ADAMTS12: variants seen among roughly 807,000 people sequenced by gnomAD.
The protein encoded by ADAMTS12 is A disintegrin and metalloproteinase with thrombospondin motifs 12.
In ADAMTS12, 118 loss-of-function variants were observed where a neutral mutation model predicts 167.8. The observed-to-expected ratio is 0.70, with a 90% CI of 0.61 to 0.82. The LOEUF (loss-of-function observed/expected upper bound fraction) is 0.82, where lower values mean the gene tolerates loss of function less well. Ranked by LOEUF, ADAMTS12 falls within the 40% of genes least tolerant of loss-of-function variation. The pLI is 0.00. For missense variants in ADAMTS12, 1,916 were observed against 1,998.8 expected (o/e 0.96, Z 0.79); for synonymous variants, 704 against 716.9 (o/e 0.98, Z 0.29).
chr5:33,887,678 C>T (rs1222096633), intron 1 of ADAMTS12, among the ~76,000 whole-genome samples: 1 of 152,044 alleles, frequency 6.6e-6, no homozygotes, highest in South Asian at 2.1e-4. Flanking sequence ...CTTTTTCCCT[C>T]AGCTTAGAAA....
At chr5:33,544,410 C>T (rs1322001419) in intron 22 of ADAMTS12, among the ~76,000 whole-genome samples, 1 of 152,092 alleles carries the variant, frequency 6.6e-6, no homozygotes, top group Non-Finnish European at 1.5e-5. Context: ...TAGGAAGAAT[C>T]AATATTGTGA....
intron 5 of ADAMTS12, among the ~76,000 whole-genome samples, chr5:33,670,392 G>A (rs957874667): frequency 2.6e-5 from 4 of 152,180 alleles, no homozygotes; most frequent in Non-Finnish European, 4.4e-5. Flanking sequence ...CACTGCTGGT[G>A]AGAGTGGAAA....
chr5:33,859,339 T>A (rs1238832608), intron 2 of ADAMTS12, among the ~76,000 whole-genome samples: 1 of 152,118 alleles, frequency 6.6e-6, no homozygotes, highest in East Asian at 1.9e-4. Flanking sequence ...GCATCCACCA[T>A]CACTAAAGCT....
In ADAMTS12 at chr5:33,605,631, C is replaced by T. The variant is rs561885839; in HGVS notation, c.2527+8607G>A. On this transcript the variant is annotated intron_variant, in intron 16 of 23. Coordinates refer to ENST00000504830, the MANE Select transcript of ADAMTS12 (RefSeq NM_030955.4). ...GTTTGAAAGGAAAAAATACTTGAAA[C>T]ATATAAAAAGCATTTAAGATGTATA... Among the ~76,000 whole-genome samples, 13 of 152,230 alleles carry T rather than the reference C, an allele frequency of 8.5e-5. No homozygotes were observed. The East Asian group carries it at 2.3e-3, about 27-fold the overall frequency.
intron 16 of ADAMTS12, among the ~76,000 whole-genome samples, chr5:33,600,458 A>G (rs1344253485): frequency 6.6e-6 from 1 of 152,236 alleles, no homozygotes; most frequent in East Asian, 1.9e-4. Flanking sequence ...GGAGTTTGTT[A>G]TGGTTAATTA....
chr5:33,531,524 C>T (rs1744101243), intron 23 of ADAMTS12, among the ~76,000 whole-genome samples: 2 of 152,216 alleles, frequency 1.3e-5, no homozygotes, highest in South Asian at 4.1e-4. Context: ...ATTGACCCAA[C>T]ATCACACAGC....
chr5:33,546,805 CT>C (rs1400425281), intron 21 of ADAMTS12, among the ~76,000 whole-genome samples: 2 of 152,136 alleles, frequency 1.3e-5, no homozygotes, highest in Non-Finnish European at 2.9e-5. Context: ...ATTTGCATGA[CT>C]TTTTAAGGAG....
intron 19 of ADAMTS12, 42 bp downstream of exon 19, chr5:33,576,012 T>C: frequency 1.3e-6 from 2 of 1,559,256 alleles, no homozygotes; most frequent in Non-Finnish European, 1.7e-6. Flanking sequence ...ACTCCTAGCT[T>C]TTTTCCATGT....
chr5:33,656,964 A>G (rs369849675), intron 7 of ADAMTS12, among the ~76,000 whole-genome samples: 2 of 152,190 alleles, frequency 1.3e-5, no homozygotes, highest in East Asian at 3.8e-4. Context: ...AATATACCAC[A>G]TTTATAACCA....
intron 22 of ADAMTS12, 104 bp from the exon 23 acceptor site, chr5:33,535,096 T>C: frequency 8.0e-7 from 1 of 1,245,766 alleles, no homozygotes; most frequent in Non-Finnish European, 1.1e-6. Context: ...TGGAAACATC[T>C]CAATAACCAG....
At position 33,780,457 on chromosome 5, in the gene ADAMTS12, T is replaced by G. The variant is rs116712287; in HGVS notation, c.490-28909A>C. 6.6e-3 allele frequency among the ~76,000 whole-genome samples: 1,006 copies of G among 152,338 alleles called. 9 individuals are homozygous for G. Among genetic ancestry groups the G allele is most frequent in the African/African-American group, 0.023 (960 of 41,584 alleles). On this transcript the variant is annotated intron_variant, in intron 2 of 23. Coordinates refer to ENST00000504830, the MANE Select transcript of ADAMTS12 (RefSeq NM_030955.4). ...CAAAGAAACATGTGCATGATCTTCA[T>G]ATGGCTGCTTTCTTTCTGCCACCTC...
chr5:33,736,784 G>C (rs1239253552), intron 3 of ADAMTS12, among the ~76,000 whole-genome samples: 2 of 152,186 alleles, frequency 1.3e-5, no homozygotes, highest in Non-Finnish European at 2.9e-5. Context: ...TCCATACTGT[G>C]ATCTGCTGGG....
chr5:33,767,169 A>G (rs1192748329), intron 2 of ADAMTS12, among the ~76,000 whole-genome samples: 2 of 152,206 alleles, frequency 1.3e-5, no homozygotes, highest in African/African-American at 4.8e-5. Context: ...CTTAAATGAA[A>G]GAAAATTGTA....
intron 2 of ADAMTS12, among the ~76,000 whole-genome samples, chr5:33,799,688 A>G (rs1157563738): frequency 1.3e-5 from 2 of 152,228 alleles, no homozygotes; most frequent in Admixed American, 1.3e-4. Flanking sequence ...TATGTGCTTA[A>G]TTAATGTATT....
At chr5:33,693,109 A>C (rs902715152) in intron 3 of ADAMTS12, among the ~76,000 whole-genome samples, 7 of 152,082 alleles carry the variant, frequency 4.6e-5, no homozygotes, top group African/African-American at 1.7e-4. Context: ...TTGCTGCTAC[A>C]CCCAGCTCAC....
rs375647714 is a variant in ADAMTS12 at position 33,576,049 on chromosome 5, C to G, written c.3972+5G>C. 7 of 1,608,694 alleles carry G rather than the reference C, an allele frequency of 4.4e-6. No homozygotes were observed. Among genetic ancestry groups the G allele is most frequent in the East Asian group, 2.2e-5 (1 of 44,772 alleles). ...AAACCAGGCCAGGGGTAGGAAATGT[C>G]TTACCTCGCTCCAGTTTCCGACGAT... On this transcript the variant is annotated splice_donor_5th_base_variant and intron_variant, in intron 19 of 23. Transcript: ENST00000504830.
intron 20 of ADAMTS12, among the ~76,000 whole-genome samples, chr5:33,552,631 T>C (rs1030181430): frequency 6.6e-6 from 1 of 152,242 alleles, no homozygotes; most frequent in African/African-American, 2.4e-5. Flanking sequence ...GGCCTTATGC[T>C]AAACACATTC....
chr5:33,855,813 C>T (rs1194963035), intron 2 of ADAMTS12, among the ~76,000 whole-genome samples: 1 of 152,142 alleles, frequency 6.6e-6, no homozygotes, highest in African/African-American at 2.4e-5. Context: ...AGCCTTGCAT[C>T]AACCACAGTC....
chr5:33,595,690 A>G (rs983575661), intron 17 of ADAMTS12, among the ~76,000 whole-genome samples: 4 of 152,236 alleles, frequency 2.6e-5, no homozygotes, highest in African/African-American at 4.8e-5. Context: ...TTTGGCAGTT[A>G]GTCTTGCCAA....
Sources: gnomAD v4.1 joint callset for allele counts (sites outside exome capture counted in the v4.1 genomes callset) on GRCh38, gnomAD v4.1.1 for gene constraint, MANE v1.5 for transcripts, NCBI Gene and HGNC (gene_info 2026-07-23, HGNC 2026-07-21) for gene names.